The following AIF1L variants were observed in gnomAD, a reference collection of about 807,000 sequenced individuals.
The protein encoded by AIF1L is allograft inflammatory factor 1-like.
A neutral mutation model predicts 20.7 loss-of-function variants in AIF1L; 12 were observed. That is an observed-to-expected ratio of 0.58 (90% confidence interval 0.37 to 0.94). The LOEUF is 0.94. AIF1L is among the 40% of genes least tolerant of loss of function. The probability of loss-of-function intolerance (pLI) is 0.01; values close to 1 mark genes in which losing one functional copy is unlikely to be tolerated. For synonymous variants in AIF1L, 76 were observed against 65.1 expected (o/e 1.17, Z -0.81); for missense variants, 173 against 185.3 (o/e 0.93, Z 0.39).
rs994893884 is a variant in AIF1L at position 131,120,740 on chromosome 9, T to C, written c.*418T>C. ...GACCCCAGGCCACTCTGAGAAGACC[T>C]TGGAGTAGGGACAAGGCTGCAGGGC... On this transcript the variant is annotated 3_prime_UTR_variant, in exon 6 of 6. Transcript: ENST00000247291. The C allele has an allele frequency of 1.6e-5, 5 of 312,516 alleles. No homozygotes were observed. Among genetic ancestry groups the C allele is most frequent in the Non-Finnish European group, 2.9e-5 (5 of 170,720 alleles). The allele number at this position is 312,516 out of a possible 1,614,324, so 19.4% of individuals were successfully genotyped here.
At chr9:131,113,049 G>T (rs1830928712) in intron 3 of AIF1L, among the ~76,000 whole-genome samples, 1 of 152,178 alleles carries the variant, frequency 6.6e-6, no homozygotes, top group Non-Finnish European at 1.5e-5. Flanking sequence ...CCACCCGGGA[G>T]CCTGTGTTCT....
chr9:131,111,334 T>A (rs1035992320), intron 2 of AIF1L: 1 of 417,396 alleles, frequency 2.4e-6, no homozygotes, highest in Non-Finnish European at 4.3e-6. Flanking sequence ...GCATTGGTAA[T>A]GTAGCTGCTG....
chr9:131,109,929 G>T (rs1363797044), intron 2 of AIF1L, among the ~76,000 whole-genome samples: 2 of 152,134 alleles, frequency 1.3e-5, no homozygotes, highest in Non-Finnish European at 2.9e-5. Flanking sequence ...GTAGCTACTG[G>T]CCGGGCGCCG....
intron 2 of AIF1L, among the ~76,000 whole-genome samples, chr9:131,100,427 G>A (rs906819909): frequency 3.9e-5 from 6 of 152,232 alleles, no homozygotes; most frequent in African/African-American, 1.4e-4. Flanking sequence ...CTAACCCAGG[G>A]AGTATTGTTG....
chr9:131,116,532 G>A lies in AIF1L; in HGVS notation c.203-1224G>A, dbSNP rs565350877. ...GCCTGCCTCGTCGTCCCAAAGTGCT[G>A]GGATTACAGGCATGAGCCATGGCGC... On this transcript the variant is annotated intron_variant, in intron 4 of 5. Transcript: ENST00000247291. Among the ~76,000 whole-genome samples the A allele has an allele frequency of 2.0e-5, 3 of 152,310 alleles. No homozygotes were observed. In the South Asian group the frequency reaches 6.2e-4, roughly 32 times the overall value.
chr9:131,120,203 T>G (rs779226828), intron 5 of AIF1L, 32 bp from the exon 6 acceptor site: 1 of 1,601,766 alleles, frequency 6.2e-7, no homozygotes, highest in Non-Finnish European at 8.5e-7. Flanking sequence ...TTGTTTTTCT[T>G]TCTTTTTTTC....
At chr9:131,104,072 G>A (rs1031850355) in intron 2 of AIF1L, among the ~76,000 whole-genome samples, 6 of 152,154 alleles carry the variant, frequency 3.9e-5, no homozygotes, top group Non-Finnish European at 5.9e-5. Context: ...TGGTCCCCGG[G>A]GACTGAAAAG....
At position 131,111,668 on chromosome 9, in the gene AIF1L, G is replaced by A; in HGVS notation, c.160+5G>A. On this transcript the variant is annotated splice_donor_5th_base_variant and intron_variant, in intron 3 of 5. Coordinates refer to ENST00000247291, the MANE Select transcript of AIF1L (RefSeq NM_031426.4). ...AAAAGCTCACAGCCTTCAAAGGTAA[G>A]CTGGGGCGGGCTGCCCTGCATTTAT... is the stretch of plus-strand genomic sequence containing the variant. 1.2e-6 allele frequency: 2 copies of A among 1,613,764 alleles called. No individual in the cohort carries two copies. Among genetic ancestry groups the A allele is most frequent in the Non-Finnish European group, 1.7e-6 (2 of 1,179,792 alleles).
At chr9:131,109,872 G>A (rs990280772) in intron 2 of AIF1L, among the ~76,000 whole-genome samples, 4 of 152,132 alleles carry the variant, frequency 2.6e-5, no homozygotes, top group Non-Finnish European at 5.9e-5. Context: ...TTGAAGCTCT[G>A]GCTTATGAGC....
intron 2 of AIF1L, among the ~76,000 whole-genome samples, chr9:131,100,533 C>G (rs1371959475): frequency 1.3e-5 from 2 of 152,222 alleles, no homozygotes; most frequent in Non-Finnish European, 2.9e-5. Context: ...CTCAATCGCT[C>G]AGCTTGGCTG....
intron 5 of AIF1L, 28 bp from the exon 6 acceptor site, chr9:131,120,207 T>G: frequency 6.2e-7 from 1 of 1,606,280 alleles, no homozygotes; most frequent in South Asian, 1.1e-5. Context: ...TTTTCTTTCT[T>G]TTTTTCTTTT....
chr9:131,100,649 C>T (rs7862204), intron 2 of AIF1L, among the ~76,000 whole-genome samples: 2,507 of 152,352 alleles, frequency 0.016, 78 homozygotes, highest in African/African-American at 0.058. Flanking sequence ...CTGGCCAGCA[C>T]CTCCTACTCC....
intron 3 of AIF1L, chr9:131,112,339 G>A (rs944535616): frequency 2.6e-5 from 4 of 152,530 alleles, no homozygotes; most frequent in African/African-American, 9.7e-5. Context: ...AAATATCCTG[G>A]AGGTTGCATT....
At chr9:131,097,015 C>A in intron 2 of AIF1L, 152 bp downstream of exon 2, 1 of 870,720 alleles carries the variant, frequency 1.1e-6, no homozygotes, top group Non-Finnish European at 1.6e-6. Context: ...CGCCCCCAGC[C>A]CCGTCGCCTC....
intron 4 of AIF1L, among the ~76,000 whole-genome samples, chr9:131,115,969 C>T (rs1312028631): frequency 2.8e-5 from 4 of 143,174 alleles, no homozygotes; most frequent in South Asian, 2.2e-4. Flanking sequence ...AGCAAGACTT[C>T]GTCTCAAAAA....
rs1027555384 is a variant in AIF1L at position 131,123,133 on chromosome 9, C to G, written c.*2811C>G. The G allele has an allele frequency of 2.0e-5, 3 of 152,348 alleles. No homozygotes were observed. The highest frequency in any genetic ancestry group is 1.9e-4 in the East Asian group (1 of 5,188). 9.4% of individuals were successfully genotyped at this position (152,348 alleles called of 1,614,324 possible). On this transcript the variant is annotated 3_prime_UTR_variant, in exon 6 of 6. Transcript: ENST00000247291. ...TCATCTCTACAGCCTGCAAATAAAC[C>G]AGACAAACTTACCAACGTCTTGATT...
intron 2 of AIF1L, among the ~76,000 whole-genome samples, chr9:131,103,645 C>G (rs1173872410): frequency 6.6e-6 from 1 of 152,084 alleles, no homozygotes; most frequent in Non-Finnish European, 1.5e-5. Flanking sequence ...GACCCTGACT[C>G]AAAACAAAAC....
In AIF1L at chr9:131,120,301, A is replaced by G; in HGVS notation, c.432A>G (p.Arg144=). The change falls in exon 6 of 6, where the codon AGA becomes AGG. Residue 144 remains arginine (R), a synonymous_variant. Coordinates refer to ENST00000247291, the MANE Select transcript of AIF1L (RefSeq NM_031426.4). The stretch of plus-strand genomic sequence containing the variant: ...AGCCAGTTGGCCCCCCTCCAGAGAG[A>G]GACATTGCTAGCCTGCCCTGAGGAC... ...SPKPVGPPPE[R]DIASLP is the part of the protein sequence containing the mutation. The G allele has an allele frequency of 6.2e-7, 1 of 1,613,314 alleles. No individual in the cohort carries two copies. The highest frequency in any genetic ancestry group is 8.5e-7 in the Non-Finnish European group (1 of 1,179,772).
chr9:131,117,320 C>G (rs895621797), intron 4 of AIF1L, among the ~76,000 whole-genome samples: 1 of 152,162 alleles, frequency 6.6e-6, no homozygotes, highest in Non-Finnish European at 1.5e-5. Context: ...GCATAACTCC[C>G]CAGGCAGCAG....
Sources: gnomAD v4.1 joint callset for allele counts (sites outside exome capture counted in the v4.1 genomes callset) on GRCh38, gnomAD v4.1.1 for gene constraint, MANE v1.5 for transcripts, NCBI Gene and HGNC (gene_info 2026-07-23, HGNC 2026-07-21) for gene names.